The following CLYBL variants were observed in gnomAD, a reference collection of about 807,000 sequenced individuals.
CLYBL encodes the protein citramalyl-CoA lyase, mitochondrial.
A neutral mutation model predicts 38.9 loss-of-function variants in CLYBL; 31 were observed. The ratio of observed to expected loss-of-function variants is 0.80; its 90% CI spans 0.60 to 1.08. The LOEUF (loss-of-function observed/expected upper bound fraction) is 1.08. CLYBL is among the 50% of genes least tolerant of loss of function. The pLI is 0.00. For missense variants in CLYBL, 434 were observed against 411.6 expected, an observed-to-expected ratio of 1.05 and a Z score of -0.47; for synonymous variants, 171 against 158.6, an observed-to-expected ratio of 1.08 and a Z score of -0.59.
At chr13:99,831,484 C>T (rs572298684) in intron 2 of CLYBL, among the ~76,000 whole-genome samples, 10 of 151,928 alleles carry the variant, frequency 6.6e-5, no homozygotes, top group Non-Finnish European at 7.4e-5. Context: ...TTGATAGGTG[C>T]GGCAAACCAC....
chr13:99,791,891 A>T (rs2049924828), intron 2 of CLYBL, among the ~76,000 whole-genome samples: 1 of 152,064 alleles, frequency 6.6e-6, no homozygotes, highest in South Asian at 2.1e-4. Context: ...ATTGGGACAG[A>T]TAGGTTTTCT....
At chr13:99,624,610 G>A (rs1189143492) in intron 1 of CLYBL, among the ~76,000 whole-genome samples, 1 of 152,154 alleles carries the variant, frequency 6.6e-6, no homozygotes, top group Non-Finnish European at 1.5e-5. Flanking sequence ...TTACATTGTT[G>A]GTTTATGCAG....
intron 1 of CLYBL, among the ~76,000 whole-genome samples, chr13:99,649,953 C>T (rs758084651): frequency 1.1e-4 from 16 of 151,542 alleles, no homozygotes; most frequent in Non-Finnish European, 2.1e-4. Context: ...CTCATCCCTA[C>T]AAAAAATTTT....
intron 1 of CLYBL, among the ~76,000 whole-genome samples, chr13:99,670,545 A>G (rs1281482418): frequency 5.3e-5 from 8 of 152,122 alleles, no homozygotes; most frequent in Admixed American, 5.2e-4. Context: ...TAGGATTTAG[A>G]AATCTCTGCT....
chr13:99,759,843 T>C (rs2049132805), intron 1 of CLYBL, among the ~76,000 whole-genome samples: 2 of 152,374 alleles, frequency 1.3e-5, no homozygotes, highest in South Asian at 4.1e-4. Context: ...TTGAATCATA[T>C]AAAATTACCA....
chr13:99,675,598 A>G (rs990457878), intron 1 of CLYBL, among the ~76,000 whole-genome samples: 1 of 151,962 alleles, frequency 6.6e-6, no homozygotes, highest in African/African-American at 2.4e-5. Context: ...CCGATTCTGG[A>G]CTCTTCATAT....
At chr13:99,884,832 A>G in intron 7 of CLYBL, 1 of 391,562 alleles carries the variant, frequency 2.6e-6, no homozygotes, top group South Asian at 1.9e-5. Context: ...GCCTCACTGC[A>G]CATTCCAGGT....
intron 2 of CLYBL, among the ~76,000 whole-genome samples, chr13:99,807,294 C>T (rs1015449614): frequency 6.6e-6 from 1 of 152,104 alleles, no homozygotes; most frequent in Non-Finnish European, 1.5e-5. Flanking sequence ...TGTGTCTCCC[C>T]GCATGTGCAT....
At chr13:99,689,697 C>G (rs2047871397) in intron 1 of CLYBL, among the ~76,000 whole-genome samples, 1 of 152,166 alleles carries the variant, frequency 6.6e-6, no homozygotes, top group African/African-American at 2.4e-5. Context: ...TGTGACCTGA[C>G]TTGAAACCTT....
At chr13:99,887,995 A>T (rs1310142615) in intron 7 of CLYBL, among the ~76,000 whole-genome samples, 2 of 152,074 alleles carry the variant, frequency 1.3e-5, no homozygotes, top group African/African-American at 2.4e-5. Context: ...AGCTGGGATT[A>T]CAGGCACCCA....
intron 2 of CLYBL, among the ~76,000 whole-genome samples, chr13:99,778,112 T>G (rs2049561038): frequency 6.6e-6 from 1 of 152,232 alleles, no homozygotes; most frequent in African/African-American, 2.4e-5. Flanking sequence ...TGCAGACTCT[T>G]TCAGTGTTCT....
intron 2 of CLYBL, chr13:99,783,974 G>C (rs9585221): frequency 0.17 from 26,097 of 152,090 alleles, 2,920 homozygotes; most frequent in East Asian, 0.37. Context: ...AGCCCTCTTT[G>C]AAATAACCTA....
chr13:99,738,734 G>C (rs1400542581), intron 1 of CLYBL, among the ~76,000 whole-genome samples: 4 of 152,146 alleles, frequency 2.6e-5, no homozygotes, highest in Non-Finnish European at 5.9e-5. Context: ...AGATCACTCA[G>C]TTTATGAGTG....
intron 2 of CLYBL, among the ~76,000 whole-genome samples, chr13:99,818,147 T>TA (rs1379234295): frequency 6.6e-6 from 1 of 152,018 alleles, no homozygotes; most frequent in Non-Finnish European, 1.5e-5. Context: ...TATGAGAACT[T>TA]ATGTGGCAGA....
At chr13:99,661,078 A>T (rs2047401907) in intron 1 of CLYBL, among the ~76,000 whole-genome samples, 1 of 152,186 alleles carries the variant, frequency 6.6e-6, no homozygotes. Context: ...ATTGAAAAAA[A>T]TTTTTGACAA....
At chr13:99,607,039 A>G (rs1040720992) in intron 1 of CLYBL, among the ~76,000 whole-genome samples, 12 of 152,148 alleles carry the variant, frequency 7.9e-5, no homozygotes, top group Non-Finnish European at 1.5e-5. Flanking sequence ...GCCTCCCCCA[A>G]ATGGCAAACG....
intron 1 of CLYBL, among the ~76,000 whole-genome samples, chr13:99,770,507 C>T (rs2049365481): frequency 6.6e-6 from 1 of 151,936 alleles, no homozygotes; most frequent in South Asian, 2.1e-4. Context: ...TTAGTAGAGA[C>T]GGGGTTTCAC....
intron 1 of CLYBL, among the ~76,000 whole-genome samples, chr13:99,761,425 A>T (rs2049163373): frequency 1.3e-5 from 2 of 152,244 alleles, no homozygotes. Context: ...GACAACATGC[A>T]ATATTTGTCT....
At chr13:99,757,171 A>T (rs2049078436) in intron 1 of CLYBL, among the ~76,000 whole-genome samples, 1 of 152,218 alleles carries the variant, frequency 6.6e-6, no homozygotes, top group African/African-American at 2.4e-5. Flanking sequence ...AAGTGCTGGC[A>T]TTACAGGCGT....
Sources: gnomAD v4.1 joint callset for allele counts (sites outside exome capture counted in the v4.1 genomes callset) on GRCh38, gnomAD v4.1.1 for gene constraint, MANE v1.5 for transcripts, NCBI Gene and HGNC (gene_info 2026-07-23, HGNC 2026-07-21) for gene names.